Variants in TMEM267 observed in about 807,000 individuals in gnomAD.
The protein encoded by TMEM267 is transmembrane protein 267.
Under a neutral mutation model 19.3 loss-of-function variants are expected in TMEM267, and 20 were observed. That is an observed-to-expected ratio of 1.04 (90% CI 0.73 to 1.51). TMEM267 has a LOEUF of 1.51. TMEM267 is among the 40% of genes most tolerant of loss of function. The probability of loss-of-function intolerance (pLI) is 0.00; values close to 1 mark genes in which losing one functional copy is unlikely to be tolerated. For missense variants in TMEM267, 242 were observed against 261.9 expected, an observed-to-expected ratio of 0.92 and a Z score of 0.52; for synonymous variants, 88 against 90.3, an observed-to-expected ratio of 0.97 and a Z score of 0.15.
chr5:43,464,463 T>C (rs1204291163), intron 1 of TMEM267, among the ~76,000 whole-genome samples: 1 of 152,154 alleles, frequency 6.6e-6, no homozygotes, highest in East Asian at 1.9e-4. Flanking sequence ...TACTTTAAAG[T>C]TCCTATGGAA....
At chr5:43,467,126 G>A (rs536214666) in intron 1 of TMEM267, among the ~76,000 whole-genome samples, 191 of 133,054 alleles carry the variant, frequency 1.4e-3, no homozygotes, top group African/African-American at 5.3e-3. Flanking sequence ...TCCAGTCTGG[G>A]CAACAGAGAG....
intron 1 of TMEM267, among the ~76,000 whole-genome samples, chr5:43,472,285 C>G (rs1184962288): frequency 6.6e-6 from 1 of 151,596 alleles, no homozygotes; most frequent in African/African-American, 2.4e-5. Context: ...AAAAGACAGG[C>G]AATAACAAAT....
In TMEM267 at chr5:43,444,874, TAAC is replaced by T. The variant is rs1034196653; in HGVS notation, c.*1345_*1347del. 5.3e-5 allele frequency: 8 copies of T among 152,080 alleles called. No homozygotes were observed. The highest frequency in any genetic ancestry group is 1.0e-4 in the Non-Finnish European group (7 of 68,012). 9.4% of individuals were successfully genotyped at this position (152,080 alleles called of 1,614,324 possible). On this transcript the variant is annotated 3_prime_UTR_variant, in exon 3 of 3. Transcript: ENST00000397080. ...ATATAATAGATTGCAACCAATTTGT[TAAC>T]AACAAGAAAAAAAACTCCCCTAAAG...
intron 2 of TMEM267, among the ~76,000 whole-genome samples, chr5:43,451,117 G>C (rs569684199): frequency 6.6e-6 from 1 of 151,998 alleles, no homozygotes; most frequent in Admixed American, 6.6e-5. Flanking sequence ...ATAAGCCACC[G>C]CACCCGGCCC....
chr5:43,461,943 T>C (rs1051487179), intron 1 of TMEM267, among the ~76,000 whole-genome samples: 1 of 152,124 alleles, frequency 6.6e-6, no homozygotes, highest in Non-Finnish European at 1.5e-5. Flanking sequence ...ACAGCAAACA[T>C]AGGCAGTAGC....
intron 1 of TMEM267, among the ~76,000 whole-genome samples, chr5:43,462,075 G>A (rs1260980577): frequency 6.6e-6 from 1 of 152,182 alleles, no homozygotes; most frequent in Non-Finnish European, 1.5e-5. Context: ...CCTAGCTTTA[G>A]GTGGCTCAGA....
At chr5:43,451,232 A>C (rs1444794075) in intron 2 of TMEM267, among the ~76,000 whole-genome samples, 2 of 152,200 alleles carry the variant, frequency 1.3e-5, no homozygotes, top group African/African-American at 4.8e-5. Flanking sequence ...TTACAGATGA[A>C]GAAATTAAAA....
intron 1 of TMEM267, among the ~76,000 whole-genome samples, chr5:43,469,064 G>A (rs1299700875): frequency 6.6e-6 from 1 of 152,044 alleles, no homozygotes; most frequent in African/African-American, 2.4e-5. Context: ...TAAGGGATAT[G>A]GCAAAAGCAG....
chr5:43,477,414 C>T (rs1579832911), intron 1 of TMEM267, among the ~76,000 whole-genome samples: 2 of 152,148 alleles, frequency 1.3e-5, no homozygotes, highest in East Asian at 3.9e-4. Flanking sequence ...CCGTGAAACC[C>T]CATCTCTACT....
At chr5:43,454,189 C>T in intron 1 of TMEM267, 146 bp from the exon 2 acceptor site, 1 of 425,686 alleles carries the variant, frequency 2.3e-6, no homozygotes. Flanking sequence ...TAATATGTCA[C>T]ATAGCCCAAG....
intron 1 of TMEM267, among the ~76,000 whole-genome samples, chr5:43,466,126 T>G (rs1285124328): frequency 6.6e-6 from 1 of 152,096 alleles, no homozygotes; most frequent in East Asian, 1.9e-4. Flanking sequence ...AACTTAGATA[T>G]CGCTATCCAA....
chr5:43,482,828 C>T (rs1281225681), intron 1 of TMEM267, among the ~76,000 whole-genome samples: 1 of 152,222 alleles, frequency 6.6e-6, no homozygotes, highest in Admixed American at 6.5e-5. Flanking sequence ...ATTCCACAAA[C>T]ATATAATTAG....
intron 1 of TMEM267, among the ~76,000 whole-genome samples, chr5:43,459,079 T>C (rs553509202): frequency 9.2e-5 from 14 of 152,210 alleles, no homozygotes; most frequent in South Asian, 6.2e-4. Flanking sequence ...TGAGGTAACA[T>C]TTACAGAACT....
chr5:43,482,786 A>G (rs1744867180), intron 1 of TMEM267, among the ~76,000 whole-genome samples: 1 of 152,212 alleles, frequency 6.6e-6, no homozygotes, highest in South Asian at 2.1e-4. Flanking sequence ...GGGCCTTCAG[A>G]GTATACATAA....
chr5:43,472,730 A>C (rs1221085316), intron 1 of TMEM267, among the ~76,000 whole-genome samples: 1 of 140,106 alleles, frequency 7.1e-6, no homozygotes. Flanking sequence ...TATTTGTGGG[A>C]TCTAAATATC....
At chr5:43,448,181 C>G (rs1482938352) in intron 2 of TMEM267, among the ~76,000 whole-genome samples, 1 of 152,184 alleles carries the variant, frequency 6.6e-6, no homozygotes, top group Non-Finnish European at 1.5e-5. Flanking sequence ...TACCTCTCAC[C>G]TACGGTCTGA....
chr5:43,473,403 CAA>C (rs1229472127), intron 1 of TMEM267, among the ~76,000 whole-genome samples: 2 of 152,164 alleles, frequency 1.3e-5, no homozygotes, highest in African/African-American at 4.8e-5. Flanking sequence ...GCAACTTCAG[CAA>C]AGTCTCAGGA....
intron 2 of TMEM267, among the ~76,000 whole-genome samples, chr5:43,448,202 G>GT (rs1742368736): frequency 6.6e-6 from 1 of 152,170 alleles, no homozygotes; most frequent in African/African-American, 2.4e-5. Context: ...ACATCAAAGA[G>GT]TTTATTTTAC....
At chr5:43,448,784 AC>A (rs3030116) in intron 2 of TMEM267, among the ~76,000 whole-genome samples, 43 of 143,524 alleles carry the variant, frequency 3.0e-4, no homozygotes, top group African/African-American at 7.9e-4. Context: ...CTAAAAAACA[AC>A]CCCCCCCCAC....
Sources: gnomAD v4.1 joint callset for allele counts (sites outside exome capture counted in the v4.1 genomes callset) on GRCh38, gnomAD v4.1.1 for gene constraint, MANE v1.5 for transcripts, NCBI Gene and HGNC (gene_info 2026-07-23, HGNC 2026-07-21) for gene names.